Variants in GRXCR1 observed in about 807,000 individuals in gnomAD.
GRXCR1 encodes glutaredoxin and cysteine rich domain containing 1, also known as glutaredoxin domain-containing cysteine-rich protein 1.
In GRXCR1, 27 loss-of-function variants were observed where a neutral mutation model predicts 27.3. That is an observed-to-expected ratio of 0.99 (90% CI 0.73 to 1.37). GRXCR1 has a LOEUF of 1.37. Among genes scored for constraint, GRXCR1 ranks in the 40% most tolerant of loss-of-function variants. The pLI is 0.00. For missense variants in GRXCR1, 379 were observed against 354.4 expected, an observed-to-expected ratio of 1.07 and a Z score of -0.56; for synonymous variants, 122 against 131.1, an observed-to-expected ratio of 0.93 and a Z score of 0.47.
intron 1 of GRXCR1, among the ~76,000 whole-genome samples, chr4:42,943,577 G>A (rs945108106): frequency 6.6e-6 from 1 of 151,994 alleles, no homozygotes; most frequent in Non-Finnish European, 1.5e-5. Flanking sequence ...TAACAGGCAG[G>A]GAGCATCTAG....
Position 42,893,618 on chromosome 4 carries a change from G to T in GRXCR1, c.352G>T (p.Ala118Ser), listed in dbSNP as rs1746283716. Residue 118 changes from alanine (A) to serine (S), a missense_variant, in exon 1 of 4, where the codon GCT becomes TCT. Coordinates refer to ENST00000399770, the MANE Select transcript of GRXCR1 (RefSeq NM_001080476.3). ...CAAATACAAAGTGAGTGCTGGCCAG[G>T]CTCTATTTAACAATTTGACCAAAGT... ...GVKYKVSAGQ[A>S]LFNNLTKVLQ... is the part of the protein sequence containing the mutation. 6.2e-7 allele frequency: 1 copy of T among 1,613,444 alleles called. No homozygotes were observed. Among genetic ancestry groups the T allele is most frequent in the African/African-American group, 1.3e-5 (1 of 74,984 alleles).
At chr4:43,014,080 G>A (rs1302391533) in intron 2 of GRXCR1, among the ~76,000 whole-genome samples, 1 of 148,536 alleles carries the variant, frequency 6.7e-6, no homozygotes, top group African/African-American at 2.5e-5. Flanking sequence ...AAGTCAACTA[G>A]TTTAGCTAAT....
chr4:42,916,773 T>A (rs1476606999), intron 1 of GRXCR1, among the ~76,000 whole-genome samples: 30 of 152,160 alleles, frequency 2.0e-4, no homozygotes, highest in Non-Finnish European at 1.5e-5. Flanking sequence ...ACTTTTAGGC[T>A]ATGTAAATAA....
rs2109760903 is a variant in GRXCR1 at position 42,937,567 on chromosome 4, C to T, written c.385-25325C>T. ...ATCTATAAATATTTCCATATGCAAC[C>T]ATTTGTATCTGAATCAAGCTAAACA... On this transcript the variant is annotated intron_variant, in intron 1 of 3. Coordinates refer to ENST00000399770, the MANE Select transcript of GRXCR1 (RefSeq NM_001080476.3). 2.6e-5 allele frequency among the ~76,000 whole-genome samples: 4 copies of T among 151,894 alleles called. No individual in the cohort carries two copies. In the Middle Eastern group the frequency reaches 0.014, roughly 517 times the overall value.
At chr4:43,004,928 A>G (rs1315989385) in intron 2 of GRXCR1, among the ~76,000 whole-genome samples, 1 of 152,066 alleles carries the variant, frequency 6.6e-6, no homozygotes, top group Admixed American at 6.6e-5. Context: ...GAAATGTGAG[A>G]AGGACATGAG....
chr4:42,993,477 A>C (rs1349380794), intron 2 of GRXCR1, among the ~76,000 whole-genome samples: 1 of 152,164 alleles, frequency 6.6e-6, no homozygotes, highest in Non-Finnish European at 1.5e-5. Flanking sequence ...AACTCATCAT[A>C]AGTGTAAAAT....
In GRXCR1 at chr4:42,974,290, T is replaced by G. The variant is rs561530879; in HGVS notation, c.627+11156T>G. Among the ~76,000 whole-genome samples, 11 of 152,252 alleles carry G rather than the reference T, an allele frequency of 7.2e-5. No homozygotes were observed. The East Asian group carries it at 1.9e-3, about 27-fold the overall frequency. ...AACTGCATTCTTTGATGAGTCATCT[T>G]CTTGTGGGTTCCTTTATTAGACCTG... On this transcript the variant is annotated intron_variant, in intron 2 of 3. Transcript: ENST00000399770.
intron 2 of GRXCR1, among the ~76,000 whole-genome samples, chr4:43,003,604 G>A (rs1218612914): frequency 6.6e-6 from 1 of 152,196 alleles, no homozygotes; most frequent in Non-Finnish European, 1.5e-5. Context: ...TGGAGCAAAG[G>A]TCACTCTTGT....
intron 1 of GRXCR1, among the ~76,000 whole-genome samples, chr4:42,901,762 T>C (rs1463292599): frequency 2.0e-5 from 3 of 152,204 alleles, no homozygotes; most frequent in African/African-American, 7.2e-5. Flanking sequence ...CTTCATTTTT[T>C]CCTGGTTCCC....
intron 1 of GRXCR1, among the ~76,000 whole-genome samples, chr4:42,921,462 A>G (rs1000728537): frequency 2.0e-5 from 3 of 152,158 alleles, no homozygotes; most frequent in Non-Finnish European, 4.4e-5. Context: ...CTGGTTAACT[A>G]AATATCCAAC....
chr4:42,956,820 C>T (rs1231162488), intron 1 of GRXCR1, among the ~76,000 whole-genome samples: 1 of 152,082 alleles, frequency 6.6e-6, no homozygotes, highest in Non-Finnish European at 1.5e-5. Context: ...CAACTACCCC[C>T]ACTGGTCCTT....
intron 1 of GRXCR1, among the ~76,000 whole-genome samples, chr4:42,897,235 A>G (rs994962100): frequency 6.6e-6 from 1 of 151,852 alleles, no homozygotes; most frequent in Non-Finnish European, 1.5e-5. Context: ...GAGTGGGTCA[A>G]TGATGCAGAT....
chr4:42,987,293 GAGAGAGAA>G (rs1711802338), intron 2 of GRXCR1, among the ~76,000 whole-genome samples: 1 of 126,942 alleles, frequency 7.9e-6, no homozygotes, highest in East Asian at 2.2e-4. Context: ...GAGAGAGAGA[GAGAGAGAA>G]AGAGAGAGTC....
rs188946343 is a variant in GRXCR1 at position 42,960,574 on chromosome 4, C to T, written c.385-2318C>T. ...TGTTTTTTTAATCTTAAAAATTCCACGATGTGAAGTGCAATATTTTTCTCT... is the reference window on the plus strand; with the variant it reads ...TGTTTTTTTAATCTTAAAAATTCCATGATGTGAAGTGCAATATTTTTCTCT... On this transcript the variant is annotated intron_variant, in intron 1 of 3. Transcript: ENST00000399770. 4.6e-5 allele frequency among the ~76,000 whole-genome samples: 7 copies of T among 151,848 alleles called. No individual in the cohort carries two copies. In the East Asian group the frequency reaches 5.8e-4, roughly 13 times the overall value.
At chr4:42,985,811 C>A (rs1011927772) in intron 2 of GRXCR1, among the ~76,000 whole-genome samples, 1 of 151,886 alleles carries the variant, frequency 6.6e-6, no homozygotes, top group Non-Finnish European at 1.5e-5. Flanking sequence ...AAAGTTAAAA[C>A]AAATACAATA....
intron 1 of GRXCR1, among the ~76,000 whole-genome samples, chr4:42,899,463 T>C (rs1013882314): frequency 6.6e-6 from 1 of 152,148 alleles, no homozygotes; most frequent in Non-Finnish European, 1.5e-5. Context: ...AGATTCTCTC[T>C]TTCTGCTTTC....
rs143166198 is a variant in GRXCR1, at chr4:42,921,400, T to C, written c.384+27750T>C. Among the ~76,000 whole-genome samples the C allele has an allele frequency of 1.2e-3, 189 of 152,250 alleles. 1 individual carries two copies. The highest frequency in any genetic ancestry group is 1.9e-3 in the Non-Finnish European group (128 of 68,014). On this transcript the variant is annotated intron_variant, in intron 1 of 3. Transcript: ENST00000399770. ...AGACACATCTGTTTCTAGAATTTCCTTTTTTCTCTAAGAGTCTTCTAAATT... is the reference window on the plus strand; with the variant it reads ...AGACACATCTGTTTCTAGAATTTCCCTTTTTCTCTAAGAGTCTTCTAAATT...
chr4:42,917,376 G>T (rs1396819609), intron 1 of GRXCR1, among the ~76,000 whole-genome samples: 1 of 152,154 alleles, frequency 6.6e-6, no homozygotes, highest in Non-Finnish European at 1.5e-5. Flanking sequence ...GCTGATGAAT[G>T]AAATTGTTTT....
At chr4:42,985,446 T>C (rs1226028644) in intron 2 of GRXCR1, among the ~76,000 whole-genome samples, 1 of 152,192 alleles carries the variant, frequency 6.6e-6, no homozygotes, top group Non-Finnish European at 1.5e-5. Flanking sequence ...ATTAATCTGC[T>C]ATTCTGTAGG....
Sources: gnomAD v4.1 joint callset for allele counts (sites outside exome capture counted in the v4.1 genomes callset) on GRCh38, gnomAD v4.1.1 for gene constraint, MANE v1.5 for transcripts, NCBI Gene and HGNC (gene_info 2026-07-23, HGNC 2026-07-21) for gene names.